The following LINGO1 variants were observed in gnomAD, a reference collection of about 807,000 sequenced individuals.
LINGO1 encodes leucine-rich repeat and immunoglobulin-like domain-containing nogo receptor-interacting protein 1.
A neutral mutation model predicts 37.3 loss-of-function variants in LINGO1; 11 were observed. The observed-to-expected ratio is 0.29, with a 90% CI of 0.19 to 0.49. The LOEUF (loss-of-function observed/expected upper bound fraction) is 0.49, where lower values mean the gene tolerates loss of function less well. Among genes scored for constraint, LINGO1 ranks in the 20% least tolerant of loss-of-function variants. LINGO1 has a pLI of 0.99. For synonymous variants in LINGO1, 387 were observed against 403.0 expected (o/e 0.96, Z 0.48); for missense variants, 585 against 878.2 (o/e 0.67, Z 4.22).
chr15:77,812,544 A>G (rs914789142), intron 1 of LINGO1, among the ~76,000 whole-genome samples: 8 of 152,218 alleles, frequency 5.3e-5, no homozygotes, highest in African/African-American at 1.7e-4. Flanking sequence ...CCAGCCCTCT[A>G]GCCCCACCCT....
chr15:77,727,360 C>T (rs1351358051), intron 2 of LINGO1, among the ~76,000 whole-genome samples: 1 of 152,086 alleles, frequency 6.6e-6, no homozygotes, highest in Non-Finnish European at 1.5e-5. Context: ...AACAGATGAA[C>T]AGATAAACAA....
chr15:77,798,484 C>T (rs568193587), intron 1 of LINGO1, among the ~76,000 whole-genome samples: 1 of 152,252 alleles, frequency 6.6e-6, no homozygotes, highest in African/African-American at 2.4e-5. Context: ...CCCTTCCCCC[C>T]AAACCTTCCA....
At chr15:77,770,803 G>A (rs903548259) in intron 1 of LINGO1, among the ~76,000 whole-genome samples, 5 of 152,184 alleles carry the variant, frequency 3.3e-5, no homozygotes, top group African/African-American at 9.7e-5. Flanking sequence ...ACAGGAGAAG[G>A]GAACTCCCAG....
chr15:77,801,110 C>A (rs962589914), intron 1 of LINGO1, among the ~76,000 whole-genome samples: 29 of 152,206 alleles, frequency 1.9e-4, no homozygotes, highest in African/African-American at 6.5e-4. Context: ...TTTGGCAACA[C>A]TGATTAACAT....
chr15:77,704,922 C>T (rs954194542), intron 2 of LINGO1, among the ~76,000 whole-genome samples: 4 of 152,176 alleles, frequency 2.6e-5, no homozygotes, highest in Non-Finnish European at 5.9e-5. Context: ...ATAGCCCTGA[C>T]AGTCACCAGC....
rs550026719 is a variant in LINGO1, at chr15:77,819,288, C to T, written c.-458+970G>A. The T allele has an allele frequency of 2.7e-4, 41 of 150,378 alleles. 1 individual carries two copies. The highest frequency in any genetic ancestry group is 1.5e-5 in the Non-Finnish European group (1 of 67,492). The allele number at this position is 150,378 out of a possible 1,614,324, so 9.3% of individuals were successfully genotyped here. On this transcript the variant is annotated intron_variant, in intron 1 of 5. Transcript: ENST00000562933. Reference sequence around the variant, plus strand: ...ACACTCACCGTCCCGGGCGCGCCGTCCGCGCGCGGCTCCGCTCCGGGCCGG... The same window carrying T: ...ACACTCACCGTCCCGGGCGCGCCGTTCGCGCGCGGCTCCGCTCCGGGCCGG...
intron 3 of LINGO1, among the ~76,000 whole-genome samples, chr15:77,644,463 G>T (rs1404211805): frequency 6.6e-6 from 1 of 152,214 alleles, no homozygotes; most frequent in African/African-American, 2.4e-5. Flanking sequence ...CCCCAAACAG[G>T]CTTGAGCATC....
At chr15:77,670,880 T>TGGG (rs964318665) in intron 3 of LINGO1, among the ~76,000 whole-genome samples, 1 of 152,228 alleles carries the variant, frequency 6.6e-6, no homozygotes, top group African/African-American at 2.4e-5. Context: ...GTCCACCTGC[T>TGGG]GGATCTGGCC....
At chr15:77,625,832 C>T (rs1211714362) in intron 1 of LINGO1, among the ~76,000 whole-genome samples, 1 of 152,170 alleles carries the variant, frequency 6.6e-6, no homozygotes, top group East Asian at 1.9e-4. Flanking sequence ...CTCTGGGGAC[C>T]ACAAATTCCT....
intron 1 of LINGO1, among the ~76,000 whole-genome samples, 157 bp from the exon 2 acceptor site, chr15:77,616,057 GCCT>G (rs2073709435): frequency 6.6e-6 from 1 of 152,120 alleles, no homozygotes; most frequent in Non-Finnish European, 1.5e-5. Flanking sequence ...AGGGCCTCTG[GCCT>G]CCTCATGCTG....
intron 1 of LINGO1, among the ~76,000 whole-genome samples, chr15:77,805,921 T>A (rs369702805): frequency 6.6e-6 from 1 of 152,170 alleles, no homozygotes; most frequent in South Asian, 2.1e-4. Context: ...TGGTCTTCCA[T>A]GTACCCCCTC....
rs1006669447 is a variant in LINGO1, at chr15:77,717,644, G to A, written c.-195+17348C>T. Among the ~76,000 whole-genome samples the A allele has an allele frequency of 3.6e-4, 54 of 150,980 alleles. 6 individuals carry two copies. The highest frequency in any genetic ancestry group is 2.1e-4 in the South Asian group (1 of 4,698). ...CAGACAGGCAGGGAGGGCTCAGCCC[G>A]CTTCTACCTTAGCTGGCACTAAGAA... On this transcript the variant is annotated intron_variant, in intron 2 of 3. Transcript: ENST00000561686.
chr15:77,757,439 T>C (rs8030564), intron 1 of LINGO1, among the ~76,000 whole-genome samples: 34,119 of 152,066 alleles, frequency 0.22, 6,995 homozygotes, highest in African/African-American at 0.55. Flanking sequence ...ACCACAGAGG[T>C]GGAGGCTGGG....
chr15:77,709,489 A>G (rs544463222), intron 2 of LINGO1, among the ~76,000 whole-genome samples: 1 of 152,364 alleles, frequency 6.6e-6, no homozygotes, highest in African/African-American at 2.4e-5. Flanking sequence ...CTGGAATCCC[A>G]GCATCCTGAC....
At chr15:77,756,481 G>GACAC (rs1250857343) in intron 1 of LINGO1, among the ~76,000 whole-genome samples, 9 of 128,260 alleles carry the variant, frequency 7.0e-5, no homozygotes, top group South Asian at 2.4e-4. Context: ...ATGACAGACA[G>GACAC]ACAGACACAC....
intron 1 of LINGO1, among the ~76,000 whole-genome samples, chr15:77,769,110 C>T (rs1354963929): frequency 6.6e-6 from 1 of 152,192 alleles, no homozygotes; most frequent in Non-Finnish European, 1.5e-5. Context: ...AGACCCTGGC[C>T]GCAGCCAGCA....
chr15:77,797,563 C>T (rs375994539), intron 1 of LINGO1, among the ~76,000 whole-genome samples: 3 of 152,218 alleles, frequency 2.0e-5, no homozygotes, highest in Non-Finnish European at 4.4e-5. Flanking sequence ...TGGCTTCAAC[C>T]GTGATGGTGA....
At chr15:77,682,523 T>C (rs2141230560) in intron 2 of LINGO1, among the ~76,000 whole-genome samples, 1 of 152,094 alleles carries the variant, frequency 6.6e-6, no homozygotes, top group African/African-American at 2.4e-5. Flanking sequence ...TGTCCCCAAC[T>C]AAGGGTGGTG....
chr15:77,696,773 G>A (rs2075700833), upstream of LINGO1, among the ~76,000 whole-genome samples: 1 of 152,230 alleles, frequency 6.6e-6, no homozygotes, highest in African/African-American at 2.4e-5. Context: ...CCCCTGAGCA[G>A]AACCGACCCC....
Sources: allele counts gnomAD v4.1 joint callset (sites outside exome capture counted in the v4.1 genomes callset), GRCh38; gene constraint gnomAD v4.1.1; transcripts MANE v1.5; gene names NCBI Gene and HGNC (gene_info 2026-07-23, HGNC 2026-07-21).